The following WWOX variants were observed in gnomAD, a reference collection of about 807,000 sequenced individuals.
The protein encoded by WWOX is WW domain containing oxidoreductase.
WWOX carries 69 observed loss-of-function variants against 46.2 expected under a neutral mutation model. That is an observed-to-expected ratio of 1.49 (90% CI 1.23 to 1.82). WWOX has a LOEUF of 1.82. Among genes scored for constraint, WWOX ranks in the 40% most tolerant of loss-of-function variants. The pLI, the probability that WWOX is intolerant of heterozygous loss-of-function variation, is 0.00. For synonymous variants in WWOX, 359 were observed against 202.6 expected (o/e 1.77, Z -6.56); for missense variants, 919 against 542.6 (o/e 1.69, Z -6.89).
intron 8 of WWOX, among the ~76,000 whole-genome samples, chr16:79,065,657 G>A (rs931612854): frequency 6.6e-6 from 1 of 152,208 alleles, no homozygotes; most frequent in Non-Finnish European, 1.5e-5. Flanking sequence ...GCTGAATTCA[G>A]ACCCCTCTCC....
At chr16:78,100,232 G>T in intron 1 of WWOX, 2 of 1,143,754 alleles carry the variant, frequency 1.7e-6, no homozygotes, top group Non-Finnish European at 2.2e-6. Context: ...GCTCTGGGTT[G>T]CAGGGATAGG....
intron 8 of WWOX, among the ~76,000 whole-genome samples, chr16:79,189,891 A>T (rs916579821): frequency 2.2e-5 from 3 of 135,190 alleles, no homozygotes; most frequent in Non-Finnish European, 4.6e-5. Context: ...CAGTGGTTTC[A>T]TATTCTACCT....
At chr16:78,363,785 G>C (rs374105433) in intron 5 of WWOX, among the ~76,000 whole-genome samples, 16 of 152,284 alleles carry the variant, frequency 1.1e-4, no homozygotes, top group African/African-American at 3.6e-4. Flanking sequence ...AACCCCTCCA[G>C]CTTACAGCGG....
intron 6 of WWOX, among the ~76,000 whole-genome samples, chr16:78,407,020 G>C (rs2082565386): frequency 6.6e-6 from 1 of 151,794 alleles, no homozygotes; most frequent in South Asian, 2.1e-4. Flanking sequence ...CTGTGGCCTT[G>C]GTGGATTGCT....
At chr16:78,806,160 C>A (rs889172846) in intron 8 of WWOX, among the ~76,000 whole-genome samples, 2 of 152,154 alleles carry the variant, frequency 1.3e-5, no homozygotes, top group Non-Finnish European at 2.9e-5. Context: ...ACTTAATTCC[C>A]TGATATAATA....
intron 8 of WWOX, among the ~76,000 whole-genome samples, chr16:78,555,273 A>C (rs1261887173): frequency 2.0e-5 from 3 of 151,948 alleles, no homozygotes; most frequent in African/African-American, 7.2e-5. Flanking sequence ...CGGGGAAAGG[A>C]AGCATTTTTC....
chr16:78,185,640 T>C (rs2035675569), intron 5 of WWOX, among the ~76,000 whole-genome samples: 1 of 152,090 alleles, frequency 6.6e-6, no homozygotes, highest in Non-Finnish European at 1.5e-5. Context: ...AAAGGCGCAA[T>C]TATGAAAAGC....
intron 8 of WWOX, among the ~76,000 whole-genome samples, chr16:78,926,667 T>G (rs1346778619): frequency 6.6e-6 from 1 of 152,212 alleles, no homozygotes; most frequent in African/African-American, 2.4e-5. Flanking sequence ...GGTATGACCT[T>G]TATCATTTGT....
At chr16:79,146,186 T>C (rs1430864601) in intron 8 of WWOX, among the ~76,000 whole-genome samples, 1 of 152,220 alleles carries the variant, frequency 6.6e-6, no homozygotes, top group African/African-American at 2.4e-5. Context: ...GATGAGCTCT[T>C]GGATTATGTT....
At chr16:78,972,475 AAAAAAAAAAT>A (rs1332003994) in intron 8 of WWOX, among the ~76,000 whole-genome samples, 2 of 151,890 alleles carry the variant, frequency 1.3e-5, no homozygotes, top group African/African-American at 4.8e-5. Flanking sequence ...GGGGTGAAAA[AAAAAAAAAAT>A]AAAAGAACCT....
chr16:78,596,363 T>C (rs1028113638), intron 8 of WWOX, among the ~76,000 whole-genome samples: 1 of 152,012 alleles, frequency 6.6e-6, no homozygotes, highest in African/African-American at 2.4e-5. Flanking sequence ...TTCAAGAGCA[T>C]GTAGTGTGGT....
At chr16:78,732,631 T>C (rs907598226) in intron 8 of WWOX, among the ~76,000 whole-genome samples, 33 of 152,182 alleles carry the variant, frequency 2.2e-4, no homozygotes, top group African/African-American at 7.2e-4. Flanking sequence ...TTAGCTAAGA[T>C]TTATCAGAAA....
intron 8 of WWOX, among the ~76,000 whole-genome samples, chr16:78,529,661 G>C (rs2043571608): frequency 6.6e-6 from 1 of 151,758 alleles, no homozygotes; most frequent in African/African-American, 2.4e-5. Context: ...TAGAGATGGG[G>C]TTTCACCGTG....
intron 8 of WWOX, among the ~76,000 whole-genome samples, chr16:78,879,114 A>C (rs1285922998): frequency 6.6e-6 from 1 of 152,080 alleles, no homozygotes; most frequent in African/African-American, 2.4e-5. Context: ...TAACTTCTGT[A>C]ATCCTAAGTA....
At chr16:78,186,648 C>G (rs2035714514) in intron 5 of WWOX, among the ~76,000 whole-genome samples, 1 of 152,100 alleles carries the variant, frequency 6.6e-6, no homozygotes, top group South Asian at 2.1e-4. Context: ...GCCTGTAATC[C>G]CAGCTACTGA....
chr16:78,748,097 T>C (rs1437643649), intron 8 of WWOX, among the ~76,000 whole-genome samples: 1 of 152,094 alleles, frequency 6.6e-6, no homozygotes, highest in Non-Finnish European at 1.5e-5. Flanking sequence ...CTCTGCTCTT[T>C]CTCTCCCAGA....
chr16:78,177,175 T>G (rs2035378285), intron 5 of WWOX, among the ~76,000 whole-genome samples: 1 of 152,238 alleles, frequency 6.6e-6, no homozygotes, highest in South Asian at 2.1e-4. Flanking sequence ...CGGGTACACA[T>G]TTTTATCTTT....
chr16:78,406,843 C>G (rs1183646276), intron 6 of WWOX, among the ~76,000 whole-genome samples: 4 of 152,034 alleles, frequency 2.6e-5, no homozygotes, highest in Admixed American at 1.3e-4. Context: ...CTAAGGTGGT[C>G]TCAAACTCAT....
intron 8 of WWOX, among the ~76,000 whole-genome samples, chr16:78,937,188 TG>T (rs2045755685): frequency 6.6e-6 from 1 of 152,172 alleles, no homozygotes; most frequent in Admixed American, 6.5e-5. Flanking sequence ...TATGGATTTT[TG>T]GAGAGGGGAG....
Sources: gnomAD v4.1 joint callset for allele counts (sites outside exome capture counted in the v4.1 genomes callset) on GRCh38, gnomAD v4.1.1 for gene constraint, MANE v1.5 for transcripts, NCBI Gene and HGNC (gene_info 2026-07-23, HGNC 2026-07-21) for gene names.